Variants in FAM117B observed in about 807,000 individuals in gnomAD.
FAM117B encodes the protein protein FAM117B.
A neutral mutation model predicts 52.8 loss-of-function variants in FAM117B; 22 were observed. The observed-to-expected ratio is 0.42, with a 90% CI of 0.30 to 0.59. The LOEUF (loss-of-function observed/expected upper bound fraction) is 0.59, where lower values mean the gene tolerates loss of function less well. FAM117B is among the 20% of genes least tolerant of loss of function. The pLI is 0.22. For synonymous variants in FAM117B, 309 were observed against 324.1 expected (o/e 0.95, Z 0.50); for missense variants, 678 against 802.6 (o/e 0.84, Z 1.88).
Position 202,696,012 on chromosome 2 carries a change from A to C in FAM117B, c.733A>C (p.Met245Leu). ...TAGCCATGGGCAAGCTGCACCTTGCATGAGGGACAAAGCTACACAGGTAAG... is the reference window on the plus strand; with the variant it reads ...TAGCCATGGGCAAGCTGCACCTTGCCTGAGGGACAAAGCTACACAGGTAAG... ...RDSHGQAAPC[M>L]RDKATQTESA... is the part of the protein sequence containing the mutation. The change falls in exon 2 of 8, where the codon ATG (methionine) becomes CTG (leucine). Residue 245 changes from methionine (M) to leucine (L), a missense_variant. Transcript: ENST00000392238. 3 of 1,614,178 alleles carry C rather than the reference A, an allele frequency of 1.9e-6. No individual in the cohort carries two copies. The highest frequency in any genetic ancestry group is 1.1e-5 in the South Asian group (1 of 91,080).
At position 202,749,442 on chromosome 2, in the gene FAM117B, TAA is replaced by T. The variant is rs34835866; in HGVS notation, c.961-6085_961-6084del. Among the ~76,000 whole-genome samples the T allele has an allele frequency of 3.5e-3, 522 of 148,444 alleles. 2 individuals carry two copies. The highest frequency in any genetic ancestry group is 0.012 in the African/African-American group (471 of 40,790). Reference sequence around the variant, plus strand: ...ATAGGTTACAGGTCTGGTATAATGTTAAAAAAAAAAAACCACTGGGTTCAGAA... The same window carrying T: ...ATAGGTTACAGGTCTGGTATAATGTTAAAAAAAAAACCACTGGGTTCAGAA... On this transcript the variant is annotated intron_variant, in intron 4 of 7. Coordinates refer to ENST00000392238, the MANE Select transcript of FAM117B (RefSeq NM_173511.4).
chr2:202,745,616 C>T (rs1691619619), intron 4 of FAM117B, among the ~76,000 whole-genome samples: 1 of 152,140 alleles, frequency 6.6e-6, no homozygotes, highest in Non-Finnish European at 1.5e-5. Context: ...TCAACAACAA[C>T]CTTGAATGTA....
At chr2:202,714,203 T>C (rs1391063647) in intron 2 of FAM117B, among the ~76,000 whole-genome samples, 1 of 152,196 alleles carries the variant, frequency 6.6e-6, no homozygotes, top group Non-Finnish European at 1.5e-5. Flanking sequence ...TCAGAATGTG[T>C]TAAGACTTTT....
rs773093467 is a variant in FAM117B, at chr2:202,750,942, G to A, written c.961-4596G>A. On this transcript the variant is annotated intron_variant, in intron 4 of 7. Coordinates refer to ENST00000392238, the MANE Select transcript of FAM117B (RefSeq NM_173511.4). ...TTCCTGCTTTTGTGAAATATCTGGC[G>A]TATATGAAACTTTTGTTCCAGTAGG... 4.6e-5 allele frequency among the ~76,000 whole-genome samples: 7 copies of A among 152,066 alleles called. No individual in the cohort carries two copies. In the South Asian group the frequency reaches 1.0e-3, roughly 23 times the overall value.
At chr2:202,726,796 G>A (rs1691252085) in intron 4 of FAM117B, among the ~76,000 whole-genome samples, 1 of 152,098 alleles carries the variant, frequency 6.6e-6, no homozygotes, top group African/African-American at 2.4e-5. Context: ...GGGCTGGGGC[G>A]ATGGGAGAGG....
rs1360270535 is a variant in FAM117B at position 202,709,403 on chromosome 2, T to C, written c.753+13371T>C. Among the ~76,000 whole-genome samples the C allele has an allele frequency of 3.3e-5, 5 of 152,258 alleles. No homozygotes were observed. The East Asian group carries it at 9.7e-4, about 29-fold the overall frequency. On this transcript the variant is annotated intron_variant, in intron 2 of 7. Transcript: ENST00000392238. ...TTTTATTAGAGATGGGGTTTCATCA[T>C]ATTGGTCAGCCTGGTCTTGAACTCC...
intron 4 of FAM117B, among the ~76,000 whole-genome samples, chr2:202,732,049 T>TA (rs1691360634): frequency 6.7e-6 from 1 of 150,352 alleles, no homozygotes; most frequent in African/African-American, 2.4e-5. Flanking sequence ...TATTTTTCTT[T>TA]TTTTTTTTTT....
intron 1 of FAM117B, among the ~76,000 whole-genome samples, chr2:202,694,724 G>A (rs180752726): frequency 7.9e-5 from 12 of 152,046 alleles, no homozygotes; most frequent in African/African-American, 2.9e-4. Context: ...GCATGCCCTA[G>A]GATACTCTCA....
intron 1 of FAM117B, among the ~76,000 whole-genome samples, chr2:202,688,356 C>G (rs192938147): frequency 3.9e-5 from 6 of 152,240 alleles, no homozygotes; most frequent in Middle Eastern, 3.4e-3. Context: ...CCAGTGTCAT[C>G]AGAATTTTGC....
intron 4 of FAM117B, among the ~76,000 whole-genome samples, chr2:202,738,794 A>G (rs1691479377): frequency 6.6e-6 from 1 of 152,222 alleles, no homozygotes; most frequent in Non-Finnish European, 1.5e-5. Flanking sequence ...AGTAAATAAA[A>G]TAATGTATAT....
At chr2:202,699,449 G>GAAAAAAAA (rs59522030) in intron 2 of FAM117B, among the ~76,000 whole-genome samples, 5 of 100,024 alleles carry the variant, frequency 5.0e-5, no homozygotes, top group East Asian at 3.1e-4. Flanking sequence ...AAAAAAAAAA[G>GAAAAAAAA]AAAAAAAAAA....
At chr2:202,670,244 A>G (rs1196598828) in intron 1 of FAM117B, among the ~76,000 whole-genome samples, 1 of 152,144 alleles carries the variant, frequency 6.6e-6, no homozygotes, top group African/African-American at 2.4e-5. Flanking sequence ...AAGACACATC[A>G]AGCTTCTGTC....
At chr2:202,748,226 T>C (rs572100920) in intron 4 of FAM117B, among the ~76,000 whole-genome samples, 1 of 152,216 alleles carries the variant, frequency 6.6e-6, no homozygotes, top group South Asian at 2.1e-4. Flanking sequence ...GAAAACTGAT[T>C]TATGCAGAAG....
At chr2:202,707,357 T>C (rs892187340) in intron 2 of FAM117B, among the ~76,000 whole-genome samples, 1 of 151,204 alleles carries the variant, frequency 6.6e-6, no homozygotes, top group African/African-American at 2.4e-5. Flanking sequence ...GCCCATTAAA[T>C]AGGCTGGGCA....
chr2:202,742,942 C>G (rs1233709821), intron 4 of FAM117B, among the ~76,000 whole-genome samples: 1 of 152,202 alleles, frequency 6.6e-6, no homozygotes, highest in Non-Finnish European at 1.5e-5. Flanking sequence ...CTGAGTCACA[C>G]AAACCACCTC....
At chr2:202,734,197 G>C (rs1022390596) in intron 4 of FAM117B, among the ~76,000 whole-genome samples, 1 of 152,082 alleles carries the variant, frequency 6.6e-6, no homozygotes, top group Admixed American at 6.6e-5. Context: ...AGATTGCAGT[G>C]ATGGTCACAC....
intron 1 of FAM117B, among the ~76,000 whole-genome samples, chr2:202,686,540 G>A (rs1413372480): frequency 4.6e-5 from 7 of 152,198 alleles, no homozygotes; most frequent in East Asian, 3.8e-4. Flanking sequence ...GGCTGAGCGC[G>A]GTGGCTCATG....
At chr2:202,702,984 T>C (rs1258786603) in intron 2 of FAM117B, among the ~76,000 whole-genome samples, 1 of 152,226 alleles carries the variant, frequency 6.6e-6, no homozygotes, top group Non-Finnish European at 1.5e-5. Context: ...AAGAAATTCA[T>C]GTGACTTGCT....
rs1158185300 is a variant in FAM117B, at chr2:202,673,433, G to GTTTTTTTTTT, written c.602-22425_602-22416dup. 2.0e-3 allele frequency among the ~76,000 whole-genome samples: 74 copies of GTTTTTTTTTT among 37,532 alleles called. 10 individuals carry two copies. Among genetic ancestry groups the GTTTTTTTTTT allele is most frequent in the African/African-American group, 6.7e-3 (43 of 6,448 alleles). 24.6% of individuals were successfully genotyped at this position (37,532 alleles called of 152,430 possible). On this transcript the variant is annotated intron_variant, in intron 1 of 7. Coordinates refer to ENST00000392238, the MANE Select transcript of FAM117B (RefSeq NM_173511.4). ...TAGCCTACCCTATTTTTCTTTTTCTGTTTTTTTTTTTTTTTTTTTTTTTTT... is the reference window on the plus strand; with the variant it reads ...TAGCCTACCCTATTTTTCTTTTTCTGTTTTTTTTTTTTTTTTTTTTTTTTTTTTTTTTTTT...
Sources: gnomAD v4.1 joint callset for allele counts (sites outside exome capture counted in the v4.1 genomes callset) on GRCh38, gnomAD v4.1.1 for gene constraint, MANE v1.5 for transcripts, NCBI Gene and HGNC (gene_info 2026-07-23, HGNC 2026-07-21) for gene names.